Variants in RIC1 observed in about 807,000 individuals in gnomAD.
RIC1 encodes the protein RIC1 partner of RAB6A GEF complex.
In RIC1, 88 loss-of-function variants were observed where a neutral mutation model predicts 169.0. The observed-to-expected ratio is 0.52, with a 90% CI of 0.44 to 0.62. The LOEUF (loss-of-function observed/expected upper bound fraction) is 0.62, where lower values mean the gene tolerates loss of function less well. Among genes scored for constraint, RIC1 ranks in the 20% least tolerant of loss-of-function variants. RIC1 has a pLI of 0.00. For synonymous variants in RIC1, 790 were observed against 601.5 expected (o/e 1.31, Z -4.59); for missense variants, 1,877 against 1,725.5 (o/e 1.09, Z -1.56).
rs1823075994 is a variant in RIC1, at chr9:5,713,835, A to T, written c.333-61A>T. The T allele has an allele frequency of 2.9e-6, 3 of 1,043,288 alleles. No homozygotes were observed. The Admixed American group carries it at 5.3e-5, about 18-fold the overall frequency. The allele number at this position is 1,043,288 out of a possible 1,614,324, so 64.6% of individuals were successfully genotyped here. ...ATTTACTTTATTTGATTGTATGTGT[A>T]TTAGCCACAGAATGGAGGCAAATTC... On this transcript the variant is annotated intron_variant, in intron 3 of 25. Coordinates refer to ENST00000414202, the MANE Select transcript of RIC1 (RefSeq NM_020829.4).
At chr9:5,699,261 A>G (rs1020700463) in intron 3 of RIC1, among the ~76,000 whole-genome samples, 3 of 152,156 alleles carry the variant, frequency 2.0e-5, no homozygotes, top group Non-Finnish European at 4.4e-5. Flanking sequence ...CACATCCCAA[A>G]GATGTACGCT....
chr9:5,631,282 C>A (rs74482464), intron 1 of RIC1, among the ~76,000 whole-genome samples: 2 of 152,086 alleles, frequency 1.3e-5, no homozygotes, highest in Non-Finnish European at 2.9e-5. Context: ...CACAGAAGTC[C>A]AGGGACCCCT....
intron 3 of RIC1, among the ~76,000 whole-genome samples, chr9:5,709,049 C>G (rs1822771080): frequency 6.6e-6 from 1 of 152,022 alleles, no homozygotes; most frequent in Non-Finnish European, 1.5e-5. Flanking sequence ...TGATTTTGTA[C>G]ACTATATTAG....
intron 21 of RIC1, 143 bp from the exon 22 acceptor site, chr9:5,768,827 T>C: frequency 3.4e-6 from 3 of 878,134 alleles, no homozygotes; most frequent in Non-Finnish European, 5.1e-6. Flanking sequence ...GGAGAAGCGT[T>C]GATACTTTAT....
Position 5,753,558 on chromosome 9 carries a change from G to A in RIC1, c.1514G>A (p.Gly505Glu). The A allele has an allele frequency of 6.2e-7, 1 of 1,607,394 alleles. No individual in the cohort carries two copies. The highest frequency in any genetic ancestry group is 8.5e-7 in the Non-Finnish European group (1 of 1,177,352). The part of the protein sequence containing the change: ...PIRFSAIDKL[G>E]QNIAVVGKFG... ...CAGTTTTCAGCTATTGATAAGCTTG[G>A]ACAGAATATTGCTGTGGTTGGCAAG... is the stretch of plus-strand genomic sequence containing the variant. The change falls in exon 14 of 26, where the codon GGA (glycine) becomes GAA (glutamate). Residue 505 changes from glycine to glutamate, a missense_variant. This residue lies in a region of RIC1 where 1,104 missense variants were observed against 992.0 expected (regional missense o/e 1.11). Transcript: ENST00000414202.
At chr9:5,680,132 C>G (rs1161778273) in intron 2 of RIC1, among the ~76,000 whole-genome samples, 1 of 152,124 alleles carries the variant, frequency 6.6e-6, no homozygotes, top group African/African-American at 2.4e-5. Flanking sequence ...TGTTTATATG[C>G]TGGATTACAT....
rs745414740 is a variant in RIC1 at position 5,770,127 on chromosome 9, T to C, written c.3465T>C (p.Phe1155=). ...QLLKSQSADP[F]LNLEMDAGIS... is the part of the protein sequence containing the mutation. ...TAAAGTCTCAATCAGCTGACCCATT[T>C]TTGAACCTTGAGATGGATGCTGGCA... is the stretch of plus-strand genomic sequence containing the variant. Residue 1155 remains phenylalanine (F), a synonymous_variant, in exon 23 of 26, where the codon TTT becomes TTC. Coordinates refer to ENST00000414202, the MANE Select transcript of RIC1 (RefSeq NM_020829.4). 1.9e-6 allele frequency: 3 copies of C among 1,613,656 alleles called. No homozygotes were observed. In the East Asian group the frequency reaches 6.7e-5, roughly 36 times the overall value.
chr9:5,636,277 A>T (rs1817967317), intron 1 of RIC1, among the ~76,000 whole-genome samples: 1 of 151,948 alleles, frequency 6.6e-6, no homozygotes, highest in African/African-American at 2.4e-5. Flanking sequence ...TATTCTAAGT[A>T]TTTAGTTTTT....
intron 21 of RIC1, among the ~76,000 whole-genome samples, chr9:5,767,748 T>C (rs915254558): frequency 1.3e-5 from 2 of 151,942 alleles, no homozygotes; most frequent in Admixed American, 6.5e-5. Flanking sequence ...CCACCACGCC[T>C]GGCTCATTTT....
chr9:5,770,157 C>A lies in RIC1; in HGVS notation c.3495C>A (p.Ser1165=), dbSNP rs1407830513. 1 of 1,613,908 alleles carries A rather than the reference C, an allele frequency of 6.2e-7. No homozygotes were observed. The highest frequency in any genetic ancestry group is 1.7e-5 in the Admixed American group (1 of 59,996). Reference sequence around the variant, plus strand: ...ACCTTGAGATGGATGCTGGCATCTCCAACATCCAGCGAAGTCAGAGCTGGC... The same window carrying A: ...ACCTTGAGATGGATGCTGGCATCTCAAACATCCAGCGAAGTCAGAGCTGGC... ...FLNLEMDAGI[S]NIQRSQSWLS... The change falls in exon 23 of 26, where the codon TCC becomes TCA. Residue 1165 remains serine, a synonymous_variant. Transcript: ENST00000414202.
intron 3 of RIC1, among the ~76,000 whole-genome samples, chr9:5,692,968 A>G (rs181579387): frequency 5.3e-5 from 8 of 152,242 alleles, no homozygotes; most frequent in South Asian, 2.1e-4. Context: ...CACGCGAATA[A>G]GTTGTACAGC....
At chr9:5,675,452 A>G (rs1053667132) in intron 2 of RIC1, among the ~76,000 whole-genome samples, 10 of 152,364 alleles carry the variant, frequency 6.6e-5, no homozygotes, top group African/African-American at 1.4e-4. Context: ...TCTAACAACT[A>G]TAAGTAATAA....
At chr9:5,728,361 C>T (rs1179558288) in intron 6 of RIC1, among the ~76,000 whole-genome samples, 1 of 152,240 alleles carries the variant, frequency 6.6e-6, no homozygotes, top group Non-Finnish European at 1.5e-5. Context: ...GATATAATCT[C>T]CTGGTGTGCT....
chr9:5,763,341 T>G lies in RIC1; in HGVS notation c.2314T>G (p.Phe772Val). The change falls in exon 19 of 26, where the codon TTC becomes GTC. Residue 772 changes from phenylalanine to valine, a missense_variant. Around this residue, in one of 3 missense-constraint regions of RIC1, gnomAD observed 1,104 missense variants for 992.0 expected, o/e 1.11. Transcript: ENST00000414202. The surrounding 1 kb of genome is among the most constrained non-coding windows in gnomAD (Gnocchi z 5.2). ...CTTGTCCCAGCGGATCATGCTGCCTTTCCACATCAACATTTACCCGCTAGC... is the reference window on the plus strand; with the variant it reads ...CTTGTCCCAGCGGATCATGCTGCCTGTCCACATCAACATTTACCCGCTAGC... ...SFLSQRIMLP[F>V]HINIYPLAVL... The G allele has an allele frequency of 6.2e-7, 1 of 1,614,200 alleles. No homozygotes were observed. Among genetic ancestry groups the G allele is most frequent in the Non-Finnish European group, 8.5e-7 (1 of 1,180,032 alleles).
chr9:5,739,715 G>A lies in RIC1; in HGVS notation c.901+1177G>A, dbSNP rs1169726153. Among the ~76,000 whole-genome samples the A allele has an allele frequency of 2.0e-5, 3 of 152,158 alleles. No homozygotes were observed. The East Asian group carries it at 5.8e-4, about 29-fold the overall frequency. On this transcript the variant is annotated intron_variant, in intron 8 of 25. Coordinates refer to ENST00000414202, the MANE Select transcript of RIC1 (RefSeq NM_020829.4). ...AGGTGGAAGGGCTAATGGCAGCATG[G>A]GTCCAGGAGGGGATGTTGCCACTAT...
intron 4 of RIC1, among the ~76,000 whole-genome samples, chr9:5,717,303 G>T (rs1270895265): frequency 3.9e-5 from 6 of 152,130 alleles, no homozygotes; most frequent in Admixed American, 1.3e-4. Context: ...TAACTCTGTT[G>T]TATACAGTGA....
chr9:5,657,142 A>G (rs908074466), intron 2 of RIC1, among the ~76,000 whole-genome samples: 2 of 152,094 alleles, frequency 1.3e-5, no homozygotes, highest in Middle Eastern at 3.2e-3. Flanking sequence ...TATTCACATG[A>G]TATTCTTGAA....
In RIC1 at chr9:5,773,083, A is replaced by G; in HGVS notation, c.3983+3A>G. 1 of 1,589,342 alleles carries G rather than the reference A, an allele frequency of 6.3e-7. No homozygotes were observed. The highest frequency in any genetic ancestry group is 1.2e-5 in the South Asian group (1 of 85,672). On this transcript the variant is annotated splice_donor_region_variant and intron_variant, in intron 25 of 25. Transcript: ENST00000414202. ...GACCGATGGGCCTCTACAGACTGGT[A>G]AGTGCTGCTTTCCTTAGGCTTGGTG...
intron 21 of RIC1, among the ~76,000 whole-genome samples, chr9:5,766,720 T>C (rs1173506343): frequency 6.6e-6 from 1 of 152,222 alleles, no homozygotes; most frequent in Non-Finnish European, 1.5e-5. Context: ...TATATACGTA[T>C]ATACAAGTTT....
Sources: allele counts gnomAD v4.1 joint callset (sites outside exome capture counted in the v4.1 genomes callset), GRCh38; gene constraint gnomAD v4.1.1; regional missense constraint gnomAD v4.1.1; non-coding constraint Gnocchi (gnomAD v3.1); transcripts MANE v1.5; gene names NCBI Gene and HGNC (gene_info 2026-07-23, HGNC 2026-07-21).